Variants in IFT43 observed in about 807,000 individuals in gnomAD.
The protein encoded by IFT43 is intraflagellar transport 43.
IFT43 carries 33 observed loss-of-function variants against 32.3 expected under a neutral mutation model. That is an observed-to-expected ratio of 1.02 (90% CI 0.77 to 1.37). IFT43 has a LOEUF of 1.37. IFT43 is among the 40% of genes most tolerant of loss of function. The probability of loss-of-function intolerance (pLI) is 0.00; values close to 1 mark genes in which losing one functional copy is unlikely to be tolerated. For synonymous variants in IFT43, 93 were observed against 98.2 expected, an observed-to-expected ratio of 0.95 and a Z score of 0.31; for missense variants, 274 against 265.9, an observed-to-expected ratio of 1.03 and a Z score of -0.21.
intron 3 of IFT43, among the ~76,000 whole-genome samples, chr14:76,029,527 T>C (rs1342524395): frequency 6.6e-6 from 1 of 152,246 alleles, no homozygotes; most frequent in Non-Finnish European, 1.5e-5. Flanking sequence ...GGTTATAAAT[T>C]CTTTGCCAAA....
chr14:76,001,154 C>T (rs1326605385), intron 2 of IFT43, among the ~76,000 whole-genome samples: 2 of 152,312 alleles, frequency 1.3e-5, no homozygotes, highest in Non-Finnish European at 2.9e-5. Context: ...TTAGAAAGAA[C>T]ACTTTGGCAA....
intron 5 of IFT43, among the ~76,000 whole-genome samples, chr14:76,081,314 C>G: frequency 6.6e-6 from 1 of 152,376 alleles, no homozygotes; most frequent in Middle Eastern, 3.4e-3. Flanking sequence ...TTTGGGATTT[C>G]TCCTTCTTTC....
At chr14:76,015,282 A>G (rs2036165367) in intron 2 of IFT43, among the ~76,000 whole-genome samples, 1 of 152,194 alleles carries the variant, frequency 6.6e-6, no homozygotes, top group Admixed American at 6.5e-5. Context: ...ACTTTCCCTC[A>G]GGAGATAGGC....
At chr14:76,016,720 A>G (rs570627544) in intron 2 of IFT43, among the ~76,000 whole-genome samples, 27 of 152,202 alleles carry the variant, frequency 1.8e-4, no homozygotes, top group South Asian at 1.5e-3. Context: ...GTCTTCTTCA[A>G]TTTCTTTCGT....
intron 3 of IFT43, among the ~76,000 whole-genome samples, chr14:76,029,338 T>G (rs927117550): frequency 6.6e-6 from 1 of 152,244 alleles, no homozygotes; most frequent in African/African-American, 2.4e-5. Flanking sequence ...TTTGTTTAAC[T>G]TCCTTATAGA....
chr14:76,079,170 A>G (rs1387122130), intron 5 of IFT43, among the ~76,000 whole-genome samples: 2 of 152,206 alleles, frequency 1.3e-5, no homozygotes, highest in African/African-American at 2.4e-5. Flanking sequence ...GGCAGGGCTC[A>G]GGCATCGCAG....
intron 3 of IFT43, among the ~76,000 whole-genome samples, chr14:76,033,970 G>C (rs976062361): frequency 6.6e-6 from 1 of 152,198 alleles, no homozygotes; most frequent in African/African-American, 2.4e-5. Context: ...TTGATGGTCA[G>C]AACAGGATCA....
intron 3 of IFT43, among the ~76,000 whole-genome samples, chr14:76,029,381 TTTGCAAAAATTTTC>T (rs2036464744): frequency 6.6e-6 from 1 of 152,214 alleles, no homozygotes; most frequent in South Asian, 2.1e-4. Flanking sequence ...AGATGCATAG[TTTGCAAAAATTTTC>T]TCCCATTCTT....
intron 5 of IFT43, among the ~76,000 whole-genome samples, chr14:76,060,014 C>T (rs561666398): frequency 6.6e-6 from 1 of 152,264 alleles, no homozygotes; most frequent in South Asian, 2.1e-4. Flanking sequence ...TTTATCTTTG[C>T]ATCTCCAGTG....
At chr14:76,014,666 C>G (rs1430229967) in intron 2 of IFT43, among the ~76,000 whole-genome samples, 1 of 152,188 alleles carries the variant, frequency 6.6e-6, no homozygotes, top group African/African-American at 2.4e-5. Context: ...CTTGACCTCT[C>G]CTTCTCCTCA....
At chr14:76,020,722 G>A (rs1422111357) in intron 2 of IFT43, among the ~76,000 whole-genome samples, 1 of 152,158 alleles carries the variant, frequency 6.6e-6, no homozygotes, top group Non-Finnish European at 1.5e-5. Flanking sequence ...GATACCAAGT[G>A]GGCTGGTCCT....
At chr14:76,032,977 C>T (rs890001187) in intron 3 of IFT43, among the ~76,000 whole-genome samples, 2 of 152,138 alleles carry the variant, frequency 1.3e-5, no homozygotes, top group Non-Finnish European at 2.9e-5. Context: ...GATTTAGGAG[C>T]TGATGGTGGG....
chr14:76,083,381 G>A lies in IFT43; in HGVS notation c.508-77G>A, dbSNP rs2037551118. 3.7e-6 allele frequency: 6 copies of A among 1,613,178 alleles called. No individual in the cohort carries two copies. In the South Asian group the frequency reaches 6.6e-5, roughly 18 times the overall value. On this transcript the variant is annotated intron_variant, in intron 8 of 8. Transcript: ENST00000314067. ...GCTGGCCTGTGCCTCCCTGAGGCCT[G>A]GATGGGAGGGAGAAGTCAGCTACAG... is the stretch of plus-strand genomic sequence containing the variant.
At chr14:76,032,409 CCAGT>C (rs1180620225) in intron 3 of IFT43, among the ~76,000 whole-genome samples, 1 of 152,178 alleles carries the variant, frequency 6.6e-6, no homozygotes, top group Non-Finnish European at 1.5e-5. Flanking sequence ...AGCATGCCAA[CCAGT>C]CAAAGTAAAA....
chr14:76,025,430 G>A (rs1354096710), intron 3 of IFT43, among the ~76,000 whole-genome samples: 1 of 151,924 alleles, frequency 6.6e-6, no homozygotes, highest in Non-Finnish European at 1.5e-5. Context: ...ATTCTTCACA[G>A]AACTAGAAAA....
chr14:76,004,689 T>G (rs926888876), intron 2 of IFT43, among the ~76,000 whole-genome samples: 1 of 152,186 alleles, frequency 6.6e-6, no homozygotes, highest in Non-Finnish European at 1.5e-5. Flanking sequence ...TATTGTTCCA[T>G]AAGTTTGTTC....
At chr14:76,037,034 C>T (rs1042129556) in intron 3 of IFT43, among the ~76,000 whole-genome samples, 1 of 152,158 alleles carries the variant, frequency 6.6e-6, no homozygotes, top group African/African-American at 2.4e-5. Context: ...TGCTGTGTTG[C>T]CCAGGTGGCC....
At chr14:76,064,548 A>G (rs552160260) in intron 5 of IFT43, among the ~76,000 whole-genome samples, 97 of 152,328 alleles carry the variant, frequency 6.4e-4, no homozygotes, top group African/African-American at 2.2e-3. Flanking sequence ...TTGAACCGGC[A>G]TGAGGGAGAG....
chr14:76,020,399 G>A (rs1311129223), intron 2 of IFT43, among the ~76,000 whole-genome samples: 1 of 152,094 alleles, frequency 6.6e-6, no homozygotes, highest in Non-Finnish European at 1.5e-5. Flanking sequence ...GAGAATTATT[G>A]TGTTCCTTTA....
Sources: gnomAD v4.1 joint callset for allele counts (sites outside exome capture counted in the v4.1 genomes callset) on GRCh38, gnomAD v4.1.1 for gene constraint, MANE v1.5 for transcripts, NCBI Gene and HGNC (gene_info 2026-07-23, HGNC 2026-07-21) for gene names.